The following USP6NL variants were observed in gnomAD, a reference collection of about 807,000 sequenced individuals.
USP6NL encodes USP6 N-terminal like.
A neutral mutation model predicts 61.9 loss-of-function variants in USP6NL; 26 were observed. That is an observed-to-expected ratio of 0.42 (90% confidence interval 0.31 to 0.58). The LOEUF (loss-of-function observed/expected upper bound fraction) is 0.58. Among genes scored for constraint, USP6NL ranks in the 20% least tolerant of loss-of-function variants. USP6NL has a pLI of 0.16. For missense variants in USP6NL, 1,114 were observed against 1,034.3 expected (o/e 1.08, Z -1.06); for synonymous variants, 432 against 390.1 (o/e 1.11, Z -1.27).
rs986234765 is a variant in USP6NL, at chr10:11,592,252, G to C, written c.4+5379C>G. Among the ~76,000 whole-genome samples the C allele has an allele frequency of 1.3e-5, 2 of 152,130 alleles. No homozygotes were observed. Among genetic ancestry groups the C allele is most frequent in the Non-Finnish European group, 2.9e-5 (2 of 68,014 alleles). ...AGCACAGTATATTCCACTTTAAATA[G>C]TGTTAATAACAACGAAGTACACTAA... On this transcript the variant is annotated intron_variant, in intron 2 of 14. Transcript: ENST00000609104. The surrounding 1 kb of genome is among the most constrained non-coding windows in gnomAD (Gnocchi z 4.7).
chr10:11,463,683 G>T lies in USP6NL; in HGVS notation c.1245C>A (p.Ser415=). 6.2e-7 allele frequency: 1 copy of T among 1,613,756 alleles called. No homozygotes were observed. Among genetic ancestry groups the T allele is most frequent in the Non-Finnish European group, 8.5e-7 (1 of 1,179,814 alleles). ...SGAPHRRHEH[S]PHPQSRTGTP... is the part of the protein sequence containing the mutation. ...TCCCGGTCCTGCTCTGGGGGTGCGG[G>T]GAGTGCTCGTGCCTCCTGTGGGGCG... The change falls in exon 15 of 15, where the codon TCC becomes TCA. Residue 415 remains serine, a synonymous_variant. Transcript: ENST00000609104. The surrounding 1 kb of genome is among the most constrained non-coding windows in gnomAD (Gnocchi z 6.3).
chr10:11,517,877 T>C (rs924043277), intron 5 of USP6NL, among the ~76,000 whole-genome samples: 1 of 152,192 alleles, frequency 6.6e-6, no homozygotes, highest in African/African-American at 2.4e-5. Flanking sequence ...CTACAGTTCA[T>C]TTTCTGGTAC....
intron 2 of USP6NL, among the ~76,000 whole-genome samples, chr10:11,535,648 C>G (rs963982394): frequency 1.3e-5 from 2 of 152,174 alleles, no homozygotes; most frequent in Non-Finnish European, 2.9e-5. Context: ...GCTTTCATTT[C>G]TAGTATAACG....
At chr10:11,467,000 A>C (rs1832493436) in intron 14 of USP6NL, among the ~76,000 whole-genome samples, 1 of 152,228 alleles carries the variant, frequency 6.6e-6, no homozygotes, top group Admixed American at 6.5e-5. Flanking sequence ...AAAGTGCTTT[A>C]CATTGATTCC....
rs1227978904 is a variant in USP6NL at position 11,513,810 on chromosome 10, T to C, written c.196-4135A>G. On this transcript the variant is annotated intron_variant, in intron 5 of 14. Transcript: ENST00000609104. The surrounding 1 kb of genome is among the most constrained non-coding windows in gnomAD (Gnocchi z 4.7). ...AAGACTGTTCTTTATAGCTGGTTTT[T>C]TCTGTGGTGTGGGCAACTCGGAATC... Among the ~76,000 whole-genome samples, 1 of 152,208 alleles carries C rather than the reference T, an allele frequency of 6.6e-6. No individual in the cohort carries two copies. Among genetic ancestry groups the C allele is most frequent in the African/African-American group, 2.4e-5 (1 of 41,456 alleles).
chr10:11,547,287 T>C (rs1251943542), intron 2 of USP6NL, among the ~76,000 whole-genome samples: 2 of 152,194 alleles, frequency 1.3e-5, no homozygotes, highest in Non-Finnish European at 2.9e-5. Flanking sequence ...CATATTGTCA[T>C]ACGTAAACTC....
intron 5 of USP6NL, among the ~76,000 whole-genome samples, chr10:11,514,194 C>A (rs150954093): frequency 2.6e-4 from 39 of 151,050 alleles, no homozygotes; most frequent in African/African-American, 8.2e-4. Flanking sequence ...AACAACTCTA[C>A]CCAATGGTCT....
At chr10:11,584,729 G>A (rs1393115853) in intron 2 of USP6NL, among the ~76,000 whole-genome samples, 3 of 152,114 alleles carry the variant, frequency 2.0e-5, no homozygotes, top group Non-Finnish European at 4.4e-5. Flanking sequence ...TCGAGCCCAG[G>A]AGTTCAAAAC....
At chr10:11,609,457 T>G (rs961418744) in intron 1 of USP6NL, among the ~76,000 whole-genome samples, 1 of 119,186 alleles carries the variant, frequency 8.4e-6, no homozygotes, top group African/African-American at 3.2e-5. Context: ...AAAGTAAGAA[T>G]GGTTAAAAAA....
Position 11,476,885 on chromosome 10 carries a change from T to A in USP6NL, c.1078+4885A>T, listed in dbSNP as rs1832987005. Among the ~76,000 whole-genome samples the A allele has an allele frequency of 6.8e-6, 1 of 147,440 alleles. No homozygotes were observed. Among genetic ancestry groups the A allele is most frequent in the Admixed American group, 6.9e-5 (1 of 14,558 alleles). Reference sequence around the variant, plus strand: ...TTTGACTTTTTTTATTATTATTATTTTTTCAAGACGGAGTCTTGCTCTGTC... The same window carrying A: ...TTTGACTTTTTTTATTATTATTATTATTTCAAGACGGAGTCTTGCTCTGTC... On this transcript the variant is annotated intron_variant, in intron 14 of 14. Coordinates refer to ENST00000609104, the MANE Select transcript of USP6NL (RefSeq NM_014688.5). The surrounding 1 kb of genome is among the most constrained non-coding windows in gnomAD (Gnocchi z 4.3).
intron 1 of USP6NL, among the ~76,000 whole-genome samples, chr10:11,604,330 G>A (rs895053436): frequency 5.8e-4 from 89 of 152,150 alleles, no homozygotes; most frequent in African/African-American, 2.1e-3. Context: ...AGCGGTATAA[G>A]GAAGATCAAC....
Position 11,524,395 on chromosome 10 carries a change from C to T in USP6NL, c.155+991G>A, listed in dbSNP as rs146432328. Among the ~76,000 whole-genome samples the T allele has an allele frequency of 7.0e-3, 1,065 of 152,242 alleles. 15 individuals carry two copies. Among genetic ancestry groups the T allele is most frequent in the African/African-American group, 0.024 (998 of 41,560 alleles). Reference sequence around the variant, plus strand: ...CATAAAAAAAGTATGTAAACTAATTCCTGTTTTAAAAATGAAGCACAAAAT... The same window carrying T: ...CATAAAAAAAGTATGTAAACTAATTTCTGTTTTAAAAATGAAGCACAAAAT... On this transcript the variant is annotated intron_variant, in intron 4 of 14. Transcript: ENST00000609104.
chr10:11,560,768 TAATCA>T (rs1329180702), intron 2 of USP6NL, among the ~76,000 whole-genome samples: 2 of 149,428 alleles, frequency 1.3e-5, no homozygotes, highest in Non-Finnish European at 3.0e-5. Context: ...ATTTTATCCA[TAATCA>T]AGTCTCTCAA....
In USP6NL at chr10:11,485,618, A is replaced by C. The variant is rs1158322236; in HGVS notation, c.759+199T>G. On this transcript the variant is annotated intron_variant, in intron 11 of 14. Coordinates refer to ENST00000609104, the MANE Select transcript of USP6NL (RefSeq NM_014688.5). The surrounding 1 kb of genome is among the most constrained non-coding windows in gnomAD (Gnocchi z 4.8). ...AGCTTCAAAGAAGTTCAAATCCCTCAGTAAGAACTGTGATAGCCTGTCAAT... is the reference window on the plus strand; with the variant it reads ...AGCTTCAAAGAAGTTCAAATCCCTCCGTAAGAACTGTGATAGCCTGTCAAT... Among the ~76,000 whole-genome samples, 3 of 152,224 alleles carry C rather than the reference A, an allele frequency of 2.0e-5. No homozygotes were observed. Among genetic ancestry groups the C allele is most frequent in the Non-Finnish European group, 4.4e-5 (3 of 68,028 alleles).
At chr10:11,610,165 TTATTAG>T (rs1240553247) in intron 1 of USP6NL, among the ~76,000 whole-genome samples, 1 of 152,232 alleles carries the variant, frequency 6.6e-6, no homozygotes, top group East Asian at 1.9e-4. Context: ...ACTTATACTT[TTATTAG>T]TATAATTTTT....
intron 14 of USP6NL, among the ~76,000 whole-genome samples, chr10:11,479,353 G>C (rs190986943): frequency 3.6e-4 from 54 of 151,752 alleles, no homozygotes; most frequent in African/African-American, 1.1e-3. Flanking sequence ...AAGAAAGAAG[G>C]GTGCCCCAAA....
rs935138365 is a variant in USP6NL, at chr10:11,485,313, T to C, written c.760-79A>G. ...AAATAATACTAAGTTAGGAAGGCTG[T>C]TGGATGCAGCTATCAAAGCTAAACA... is the stretch of plus-strand genomic sequence containing the variant. On this transcript the variant is annotated intron_variant, in intron 11 of 14. Transcript: ENST00000609104. The surrounding 1 kb of genome is among the most constrained non-coding windows in gnomAD (Gnocchi z 4.8). 7 of 1,166,692 alleles carry C rather than the reference T, an allele frequency of 6.0e-6. No individual in the cohort carries two copies. The highest frequency in any genetic ancestry group is 3.0e-5 in the Admixed American group (1 of 33,420). The allele number at this position is 1,166,692 out of a possible 1,614,324, so 72.3% of individuals were successfully genotyped here.
At chr10:11,483,541 AGAGAGGGAGGGAGG>A (rs2133230057) in intron 13 of USP6NL, among the ~76,000 whole-genome samples, 1 of 52,890 alleles carries the variant, frequency 1.9e-5, no homozygotes, top group Non-Finnish European at 3.6e-5. Context: ...AGAGGGAGAG[AGAGAGGGAGGGAGG>A]GAGGGAGAGA....
Position 11,595,307 on chromosome 10 carries a change from CA to C in USP6NL, c.4+2323del, listed in dbSNP as rs1487529993. On this transcript the variant is annotated intron_variant, in intron 2 of 14. Coordinates refer to ENST00000609104, the MANE Select transcript of USP6NL (RefSeq NM_014688.5). This position sits in a 1 kb window ranked among gnomAD's most constrained non-coding sequence, Gnocchi z 5.3. Reference sequence around the variant, plus strand: ...CTGGGCCCAGGGCAGGACAGAGCAGCAGGAAGTTTTGTCCTATGGGGAAAAC... The same window carrying C: ...CTGGGCCCAGGGCAGGACAGAGCAGCGGAAGTTTTGTCCTATGGGGAAAAC... Among the ~76,000 whole-genome samples, 1 of 152,168 alleles carries C rather than the reference CA, an allele frequency of 6.6e-6. No homozygotes were observed.
Sources: gnomAD v4.1 joint callset for allele counts (sites outside exome capture counted in the v4.1 genomes callset) on GRCh38, gnomAD v4.1.1 for gene constraint, Gnocchi (gnomAD v3.1) non-coding constraint, MANE v1.5 for transcripts, NCBI Gene and HGNC (gene_info 2026-07-23, HGNC 2026-07-21) for gene names.